MGAM2: variants seen among roughly 807,000 people sequenced by gnomAD.
MGAM2 encodes the protein maltase-glucoamylase 2 (putative), also known as probable maltase-glucoamylase 2.
Under a neutral mutation model 96.1 loss-of-function variants are expected in MGAM2, and 98 were observed. That is an observed-to-expected ratio of 1.02 (90% CI 0.87 to 1.21). MGAM2 has a LOEUF of 1.21. MGAM2 is among the 50% of genes most tolerant of loss of function. The probability of loss-of-function intolerance (pLI) is 0.00; values close to 1 mark genes in which losing one functional copy is unlikely to be tolerated. For synonymous variants in MGAM2, 749 were observed against 414.8 expected (o/e 1.81, Z -9.79); for missense variants, 2,055 against 1,182.4 (o/e 1.74, Z -10.82).
At chr7:142,165,340 A>G (rs1284440417) in intron 24 of MGAM2, among the ~76,000 whole-genome samples, 3 of 152,188 alleles carry the variant, frequency 2.0e-5, no homozygotes, top group African/African-American at 7.2e-5. Flanking sequence ...GTATTTACAC[A>G]TTGGTCCTCT....
chr7:142,216,196 T>G (rs1418052989), intron 46 of MGAM2, among the ~76,000 whole-genome samples: 1 of 152,228 alleles, frequency 6.6e-6, no homozygotes, highest in African/African-American at 2.4e-5. Context: ...TTGTGTATTC[T>G]CTGCCCTTAA....
intron 40 of MGAM2, among the ~76,000 whole-genome samples, chr7:142,197,159 T>A (rs1399667478): frequency 6.6e-6 from 1 of 152,150 alleles, no homozygotes; most frequent in Non-Finnish European, 1.5e-5. Flanking sequence ...CCTCTCTCTG[T>A]ACACATGTAG....
At chr7:142,210,397 G>A (rs995689114) in intron 46 of MGAM2, among the ~76,000 whole-genome samples, 2 of 152,048 alleles carry the variant, frequency 1.3e-5, no homozygotes, top group African/African-American at 2.4e-5. Context: ...CTTGCTCAGC[G>A]GATCCCAACC....
rs1585140843 is a variant in MGAM2, at chr7:142,122,852, A to G, written c.186+2471A>G. 3.9e-5 allele frequency among the ~76,000 whole-genome samples: 6 copies of G among 152,098 alleles called. No homozygotes were observed. In the South Asian group the frequency reaches 1.2e-3, roughly 32 times the overall value. The stretch of plus-strand genomic sequence containing the variant: ...TTTTTGTTGTTGTTGTTGTTGTTGG[A>G]TGAAATCTCGTTCTGTCGCCAGACT... On this transcript the variant is annotated intron_variant, in intron 3 of 47. Transcript: ENST00000477922.
At chr7:142,114,769 G>C (rs1328440252) in intron 1 of MGAM2, among the ~76,000 whole-genome samples, 2 of 152,170 alleles carry the variant, frequency 1.3e-5, no homozygotes, top group Non-Finnish European at 2.9e-5. Context: ...TTACCTAGAT[G>C]TGAATAACCT....
rs954364084 is a variant in MGAM2, at chr7:142,148,885, T to C, written c.1634+1312T>C. Among the ~76,000 whole-genome samples, 4 of 152,104 alleles carry C rather than the reference T, an allele frequency of 2.6e-5. No individual in the cohort carries two copies. The highest frequency in any genetic ancestry group is 4.1e-4 in the South Asian group (2 of 4,832). On this transcript the variant is annotated intron_variant, in intron 15 of 47. Transcript: ENST00000477922. This position sits in a 1 kb window ranked among gnomAD's most constrained non-coding sequence, Gnocchi z 4.2. Reference sequence around the variant, plus strand: ...CTTGACTTCTCTTTCTCCTTGGTACTCAAGGCCATAACCACTCCTTTAAAC... The same window carrying C: ...CTTGACTTCTCTTTCTCCTTGGTACCCAAGGCCATAACCACTCCTTTAAAC...
intron 15 of MGAM2, among the ~76,000 whole-genome samples, chr7:142,150,813 G>A (rs552187243): frequency 2.0e-5 from 3 of 151,962 alleles, no homozygotes; most frequent in East Asian, 3.9e-4. Context: ...CTTTATAATC[G>A]AACCCTTTCT....
At chr7:142,132,598 A>T (rs1417662307) in intron 6 of MGAM2, among the ~76,000 whole-genome samples, 1 of 129,618 alleles carries the variant, frequency 7.7e-6, no homozygotes, top group East Asian at 2.2e-4. Flanking sequence ...TATATAATTT[A>T]TATATTTAAT....
chr7:142,211,050 G>T (rs1333483622), intron 46 of MGAM2, among the ~76,000 whole-genome samples: 2 of 152,186 alleles, frequency 1.3e-5, no homozygotes, highest in Non-Finnish European at 2.9e-5. Flanking sequence ...GGCAAACATG[G>T]TCTGGAGTGG....
intron 43 of MGAM2, 82 bp downstream of exon 43, chr7:142,198,277 A>G (rs1797112798): frequency 1.5e-6 from 1 of 660,014 alleles, no homozygotes; most frequent in South Asian, 1.7e-5. Flanking sequence ...TTCCAAGCAC[A>G]TATTTCCTAA....
chr7:142,122,347 T>C lies in MGAM2; in HGVS notation c.186+1966T>C, dbSNP rs772323168. Among the ~76,000 whole-genome samples the C allele has an allele frequency of 8.0e-4, 122 of 152,352 alleles. 1 individual carries two copies. The highest frequency in any genetic ancestry group is 5.9e-4 in the Non-Finnish European group (40 of 68,014). ...TATTTATCTTCAGATATTACACTTA[T>C]ATACAATGCAAATACAAAGAGTTGT... is the stretch of plus-strand genomic sequence containing the variant. On this transcript the variant is annotated intron_variant, in intron 3 of 47. Transcript: ENST00000477922.
At chr7:142,166,646 A>G (rs918041139) in intron 25 of MGAM2, among the ~76,000 whole-genome samples, 1 of 152,192 alleles carries the variant, frequency 6.6e-6, no homozygotes, top group Non-Finnish European at 1.5e-5. Flanking sequence ...TCTAGATTAC[A>G]TGGGAGGCAA....
rs1794889336 is a variant in MGAM2, at chr7:142,131,531, G to C, written c.324G>C (p.Gln108His). ...TGCCACCCCTAGGATTTACTGCCCA[G>C]TTGAAAAGGTTGCCATCACCATCTC... ...HTNTSTGFTA[Q>H]LKRLPSPSLF... The change falls in exon 5 of 48, where the codon CAG becomes CAC. Residue 108 changes from glutamine to histidine, a missense_variant. Transcript: ENST00000477922. 4 of 702,910 alleles carry C rather than the reference G, an allele frequency of 5.7e-6. No individual in the cohort carries two copies. In the East Asian group the frequency reaches 1.1e-4, roughly 19 times the overall value. 43.5% of individuals were successfully genotyped at this position (702,910 alleles called of 1,614,324 possible).
At chr7:142,188,453 A>G (rs982771499) in intron 36 of MGAM2, among the ~76,000 whole-genome samples, 1 of 152,152 alleles carries the variant, frequency 6.6e-6, no homozygotes, top group African/African-American at 2.4e-5. Flanking sequence ...AAAAAAAACA[A>G]ACAAACACCA....
At chr7:142,151,652 A>T (rs1475445755) in intron 15 of MGAM2, among the ~76,000 whole-genome samples, 1 of 152,172 alleles carries the variant, frequency 6.6e-6, no homozygotes, top group Non-Finnish European at 1.5e-5. Flanking sequence ...GGAGGAGGGG[A>T]AGAAAGTTTC....
intron 7 of MGAM2, among the ~76,000 whole-genome samples, chr7:142,134,764 G>T (rs1489247973): frequency 6.9e-6 from 1 of 144,892 alleles, no homozygotes; most frequent in Admixed American, 6.9e-5. Context: ...CTGGAGTGAA[G>T]GACTAGTTTC....
intron 1 of MGAM2, among the ~76,000 whole-genome samples, chr7:142,113,210 C>G (rs1817233759): frequency 1.3e-5 from 2 of 152,208 alleles, no homozygotes; most frequent in East Asian, 3.9e-4. Context: ...AGAGAGAGAA[C>G]AGTCTTTGTC....
At chr7:142,181,946 A>G (rs73158467) in intron 32 of MGAM2, among the ~76,000 whole-genome samples, 29,658 of 151,948 alleles carry the variant, frequency 0.2, 3,119 homozygotes, top group East Asian at 0.34. Context: ...TTTGTCCCAA[A>G]CCTTTTGCAC....
chr7:142,155,340 C>T (rs139551647), intron 17 of MGAM2, among the ~76,000 whole-genome samples: 26 of 152,254 alleles, frequency 1.7e-4, no homozygotes, highest in South Asian at 2.1e-4. Context: ...CCTTTAGGCT[C>T]GTCTACCCAA....
Sources: gnomAD v4.1 joint callset for allele counts (sites outside exome capture counted in the v4.1 genomes callset) on GRCh38, gnomAD v4.1.1 for gene constraint, Gnocchi (gnomAD v3.1) non-coding constraint, MANE v1.5 for transcripts, NCBI Gene and HGNC (gene_info 2026-07-23, HGNC 2026-07-21) for gene names.